The following QTMAN variants were observed in gnomAD, a reference collection of about 807,000 sequenced individuals.
QTMAN encodes the protein tRNA-queuosine alpha-mannosyltransferase.
the QTMAN span, chr2:143,938,756 A>T: frequency 6.6e-6 from 1 of 152,112 alleles, no homozygotes; most frequent in African/African-American, 2.4e-5. Flanking sequence ...ACCCCAAATA[A>T]TATTATTTAC....
the QTMAN span, chr2:143,957,115 T>A: frequency 9.1e-7 from 1 of 1,101,312 alleles, no homozygotes; most frequent in Non-Finnish European, 1.3e-6. Context: ...TTTAATGTAT[T>A]ATTTGAAATA....
chr2:143,979,597 T>C, the QTMAN span, among the ~76,000 whole-genome samples: 1 of 152,208 alleles, frequency 6.6e-6, no homozygotes, highest in Non-Finnish European at 1.5e-5. Flanking sequence ...TATGCAAACA[T>C]ATAGATTTGT....
At chr2:143,977,729 T>C in the QTMAN span, among the ~76,000 whole-genome samples, 1 of 152,198 alleles carries the variant, frequency 6.6e-6, no homozygotes, top group South Asian at 2.1e-4. Context: ...TATCATCATA[T>C]TGAAATGGGC....
chr2:144,081,110 G>C, the QTMAN span, among the ~76,000 whole-genome samples: 2 of 152,052 alleles, frequency 1.3e-5, no homozygotes, highest in Non-Finnish European at 2.9e-5. Context: ...TATTCATTTA[G>C]TCTCCTTCTC....
At chr2:144,024,021 G>A in the QTMAN span, among the ~76,000 whole-genome samples, 1 of 152,192 alleles carries the variant, frequency 6.6e-6, no homozygotes, top group Non-Finnish European at 1.5e-5. Context: ...TCCTCATAGT[G>A]TCAAAAGCCA....
At chr2:144,089,912 C>A in the QTMAN span, among the ~76,000 whole-genome samples, 2 of 151,922 alleles carry the variant, frequency 1.3e-5, no homozygotes, top group African/African-American at 4.8e-5. Flanking sequence ...TTCATGGACA[C>A]ACTAAATACA....
chr2:144,308,312 G>T, the QTMAN span, among the ~76,000 whole-genome samples: 2 of 151,780 alleles, frequency 1.3e-5, no homozygotes, highest in Admixed American at 1.3e-4. Context: ...GATTACAGGT[G>T]CCCGCCACCA....
the QTMAN span, among the ~76,000 whole-genome samples, chr2:144,204,394 T>C: frequency 1.3e-5 from 2 of 152,114 alleles, no homozygotes; most frequent in African/African-American, 2.4e-5. Context: ...GTGAAAAAAT[T>C]CTCATCATCA....
chr2:144,182,827 T>A, the QTMAN span, among the ~76,000 whole-genome samples: 13 of 68,136 alleles, frequency 1.9e-4, no homozygotes, highest in South Asian at 1.1e-3. Flanking sequence ...ATTATATATA[T>A]AATATATATA....
At chr2:143,952,656 C>T in the QTMAN span, 1 of 775,162 alleles carries the variant, frequency 1.3e-6, no homozygotes, top group South Asian at 1.5e-5. Context: ...TTAACACTAA[C>T]ATGTTGACTT....
the QTMAN span, among the ~76,000 whole-genome samples, chr2:144,328,487 G>A: frequency 7.1e-4 from 108 of 152,268 alleles, no homozygotes; most frequent in African/African-American, 2.5e-3. Context: ...AAATCTTGCA[G>A]GCAAACTGAG....
chr2:144,308,095 T>G, the QTMAN span, among the ~76,000 whole-genome samples: 1 of 151,610 alleles, frequency 6.6e-6, no homozygotes, highest in Non-Finnish European at 1.5e-5. Flanking sequence ...AGTGTTATGT[T>G]GGCATGATAG....
chr2:144,244,113 C>A, the QTMAN span, among the ~76,000 whole-genome samples: 2 of 152,164 alleles, frequency 1.3e-5, no homozygotes, highest in Non-Finnish European at 2.9e-5. Context: ...ATATTCAAAT[C>A]ATCACAAGTT....
At chr2:144,091,460 A>T in the QTMAN span, among the ~76,000 whole-genome samples, 1 of 152,316 alleles carries the variant, frequency 6.6e-6, no homozygotes, top group Non-Finnish European at 1.5e-5. Context: ...AAAAGGTACT[A>T]TTAAAGACAA....
At chr2:144,111,167 A>C in the QTMAN span, among the ~76,000 whole-genome samples, 2 of 138,986 alleles carry the variant, frequency 1.4e-5, no homozygotes, top group African/African-American at 5.4e-5. Flanking sequence ...TGTCATACCC[A>C]AAACCACGGC....
At chr2:143,992,997 T>C in the QTMAN span, among the ~76,000 whole-genome samples, 2 of 152,256 alleles carry the variant, frequency 1.3e-5, no homozygotes, top group Admixed American at 6.5e-5. Context: ...TAATTACTTA[T>C]GCATGGTAGA....
chr2:144,053,242 T>G, the QTMAN span, among the ~76,000 whole-genome samples: 1 of 152,216 alleles, frequency 6.6e-6, no homozygotes, highest in Non-Finnish European at 1.5e-5. Flanking sequence ...TGTACATATA[T>G]GTACCAGATC....
the QTMAN span, chr2:143,970,687 C>A: frequency 6.2e-7 from 1 of 1,608,548 alleles, no homozygotes; most frequent in Non-Finnish European, 8.5e-7. Context: ...CAAGTACAGA[C>A]ACGTGGAAAT....
At chr2:144,156,685 G>A in the QTMAN span, among the ~76,000 whole-genome samples, 1 of 151,746 alleles carries the variant, frequency 6.6e-6, no homozygotes, top group Non-Finnish European at 1.5e-5. Flanking sequence ...CAAAAACATT[G>A]GTTTTCAAAA....
Sources: gnomAD v4.1 joint callset for allele counts (sites outside exome capture counted in the v4.1 genomes callset) on GRCh38, gnomAD v4.1.1 for gene constraint, MANE v1.5 for transcripts, NCBI Gene and HGNC (gene_info 2026-07-23, HGNC 2026-07-21) for gene names.